The following ZNF83 variants were observed in gnomAD, a reference collection of about 807,000 sequenced individuals.
The protein encoded by ZNF83 is zinc finger protein 816B.
For synonymous variants in ZNF83, 209 were observed against 213.0 expected, an observed-to-expected ratio of 0.98 and a Z score of 0.17; for missense variants, 552 against 629.9, an observed-to-expected ratio of 0.88 and a Z score of 1.32.
chr19:52,680,450 ACAT>A (rs1481532247), intron 1 of ZNF83, among the ~76,000 whole-genome samples: 1 of 152,070 alleles, frequency 6.6e-6, no homozygotes, highest in Non-Finnish European at 1.5e-5. Context: ...TTTCCACAAA[ACAT>A]CATGGAGGAG....
intron 1 of ZNF83, among the ~76,000 whole-genome samples, chr19:52,679,180 G>A (rs1322337467): frequency 1.3e-5 from 2 of 152,208 alleles, no homozygotes; most frequent in African/African-American, 4.8e-5. Flanking sequence ...AGCCTCATAG[G>A]AGGCTGTGAG....
intron 2 of ZNF83, among the ~76,000 whole-genome samples, chr19:52,631,859 C>A (rs972570526): frequency 6.6e-6 from 1 of 152,060 alleles, no homozygotes; most frequent in Non-Finnish European, 1.5e-5. Context: ...TCCTTTCCAT[C>A]GTGGAAATCT....
At chr19:52,641,381 T>C (rs544204073), upstream of ZNF83, among the ~76,000 whole-genome samples, 1 of 152,240 alleles carries the variant, frequency 6.6e-6, no homozygotes, top group Non-Finnish European at 1.5e-5. Flanking sequence ...ATATAATTGA[T>C]CATTTATTAT....
rs967838233 is a variant in ZNF83, at chr19:52,654,017, A to T, written c.-74+1544T>A. 4.5e-6 allele frequency: 7 copies of T among 1,549,120 alleles called. No homozygotes were observed. In the African/African-American group the frequency reaches 9.5e-5, roughly 21 times the overall value. The stretch of plus-strand genomic sequence containing the variant: ...TTGAGCCTACAAGAAATTCTTTGGG[A>T]TGTTGAAACCAAGGAAGCATTGTTG... On this transcript the variant is annotated intron_variant, in intron 3 of 5. Coordinates refer to the ZNF83 transcript ENST00000594682.
chr19:52,686,824 C>A (rs956894929), intron 1 of ZNF83, among the ~76,000 whole-genome samples: 1 of 152,074 alleles, frequency 6.6e-6, no homozygotes, highest in Non-Finnish European at 1.5e-5. Flanking sequence ...TCTCTCACCT[C>A]GGTCTCCCAA....
At chr19:52,669,568 C>A (rs1313433612) in intron 1 of ZNF83, among the ~76,000 whole-genome samples, 2 of 152,122 alleles carry the variant, frequency 1.3e-5, no homozygotes, top group Non-Finnish European at 2.9e-5. Context: ...CAGTGTTGTA[C>A]CTTCATCCCA....
At chr19:52,625,734 T>C (rs1763185064) in intron 2 of ZNF83, among the ~76,000 whole-genome samples, 1 of 152,176 alleles carries the variant, frequency 6.6e-6, no homozygotes. Flanking sequence ...GGCCCTCTTC[T>C]TATTTACTTA....
exon 2 of ZNF83, chr19:52,635,095 C>G: frequency 1.4e-6 from 1 of 709,874 alleles, no homozygotes; most frequent in Non-Finnish European, 2.6e-6. Flanking sequence ...GACGCCTTTG[C>G]TTTCCTCTTC....
chr19:52,659,460 T>C (rs543804769), intron 2 of ZNF83, among the ~76,000 whole-genome samples: 2 of 152,278 alleles, frequency 1.3e-5, no homozygotes, highest in African/African-American at 2.4e-5. Context: ...TTAAGGCTAC[T>C]GGTCGGAAAC....
intron 1 of ZNF83, among the ~76,000 whole-genome samples, chr19:52,687,614 G>GTATA (rs1437771631): frequency 8.6e-5 from 1 of 11,628 alleles, no homozygotes; most frequent in African/African-American, 1.0e-3. Context: ...TATATATAAT[G>GTATA]TGTATATATA....
Position 52,628,180 on chromosome 19 carries a change from C to G in ZNF83, c.-234+6886G>C, listed in dbSNP as rs138615428. Among the ~76,000 whole-genome samples the G allele has an allele frequency of 3.3e-5, 5 of 152,244 alleles. No homozygotes were observed. In the South Asian group the frequency reaches 1.0e-3, roughly 32 times the overall value. ...AAGCCTGTTTGGTGGTCTCTTCACA[C>G]GGACACGCATGAAATTTGGTGCCAT... On this transcript the variant is annotated intron_variant, in intron 2 of 2. Coordinates refer to ENST00000301096, the Ensembl canonical transcript of ZNF83.
exon 3 of ZNF83, chr19:52,613,038 T>G (rs761314397): frequency 2.5e-6 from 4 of 1,602,490 alleles, no homozygotes; most frequent in Non-Finnish European, 1.7e-6. Context: ...TAGATTTCTT[T>G]CCGGCATGAA....
intron 1 of ZNF83, among the ~76,000 whole-genome samples, chr19:52,679,467 C>T (rs1214621454): frequency 1.3e-5 from 2 of 152,060 alleles, no homozygotes; most frequent in Non-Finnish European, 2.9e-5. Context: ...AAAAACTGGC[C>T]AGGTATGGTG....
intron 2 of ZNF83, among the ~76,000 whole-genome samples, chr19:52,629,742 G>T (rs2060881951): frequency 6.6e-6 from 1 of 152,084 alleles, no homozygotes. Flanking sequence ...CAGCAACCCT[G>T]AGACACTTTA....
intron 1 of ZNF83, among the ~76,000 whole-genome samples, chr19:52,664,400 G>T (rs946749671): frequency 7.2e-5 from 11 of 152,070 alleles, no homozygotes; most frequent in African/African-American, 2.7e-4. Context: ...GGAGGCTGAA[G>T]TGGGAGGATC....
rs2061104529 is a variant in ZNF83, at chr19:52,635,132, C to T, written c.-300G>A. 3.3e-5 allele frequency: 22 copies of T among 676,616 alleles called. No individual in the cohort carries two copies. In the South Asian group the frequency reaches 3.5e-4, roughly 11 times the overall value. The allele number at this position is 676,616 out of a possible 1,614,324, so 41.9% of individuals were successfully genotyped here. A position where few individuals can be genotyped will look rare whatever the true frequency, so the allele number is the denominator to read the frequency against. On this transcript the variant is annotated 5_prime_UTR_variant, in exon 2 of 3. Coordinates refer to ENST00000301096, the Ensembl canonical transcript of ZNF83. The stretch of plus-strand genomic sequence containing the variant: ...CCTTCCGGGTTTCTTCCTCATGTAC[C>T]AAGAGTCCTTAGAAGTCAATCCTGA...
Position 52,670,941 on chromosome 19 carries a change from C to T in ZNF83, c.-282-10098G>A, listed in dbSNP as rs1296011098. On this transcript the variant is annotated intron_variant, in intron 1 of 5. Coordinates refer to the ZNF83 transcript ENST00000594682. ...GAGACCAAGGTTCTTTTGAAGTCCT[C>T]TGCTGGCTGCCTTCAGAGAAAATAG... Among the ~76,000 whole-genome samples, 5 of 152,182 alleles carry T rather than the reference C, an allele frequency of 3.3e-5. No individual in the cohort carries two copies. The South Asian group carries it at 6.2e-4, about 19-fold the overall frequency.
intron 1 of ZNF83, among the ~76,000 whole-genome samples, chr19:52,675,958 G>C (rs1447197205): frequency 6.6e-6 from 1 of 152,116 alleles, no homozygotes; most frequent in African/African-American, 2.4e-5. Flanking sequence ...TTGGGAGGCC[G>C]ATGCAGGCAG....
intron 3 of ZNF83, among the ~76,000 whole-genome samples, chr19:52,647,699 CCT>C (rs755910681): frequency 4.0e-5 from 6 of 151,102 alleles, no homozygotes; most frequent in African/African-American, 1.5e-4. Context: ...ATTCTGTACC[CCT>C]CTCTTCTGCT....
Sources: allele counts gnomAD v4.1 joint callset (sites outside exome capture counted in the v4.1 genomes callset), GRCh38; gene constraint gnomAD v4.1.1; transcripts MANE v1.5; gene names NCBI Gene and HGNC (gene_info 2026-07-23, HGNC 2026-07-21).